The following GDI2 variants were observed in gnomAD, a reference collection of about 807,000 sequenced individuals.
GDI2 encodes rab GDP dissociation inhibitor beta.
GDI2 carries 22 observed loss-of-function variants against 54.2 expected under a neutral mutation model. That is an observed-to-expected ratio of 0.41 (90% confidence interval 0.29 to 0.58). The LOEUF (loss-of-function observed/expected upper bound fraction) is 0.58. Among genes scored for constraint, GDI2 ranks in the 20% least tolerant of loss-of-function variants. The pLI, the probability that GDI2 is intolerant of heterozygous loss-of-function variation, is 0.35. For synonymous variants in GDI2, 177 were observed against 182.1 expected (o/e 0.97, Z 0.23); for missense variants, 422 against 546.0 (o/e 0.77, Z 2.26).
chr10:5,793,801 C>A (rs1351232028), intron 4 of GDI2, among the ~76,000 whole-genome samples: 1 of 152,002 alleles, frequency 6.6e-6, no homozygotes. Flanking sequence ...AAGAGAGACG[C>A]TGAAATAGGA....
intron 1 of GDI2, among the ~76,000 whole-genome samples, chr10:5,809,979 T>A (rs1260519273): frequency 1.3e-5 from 2 of 152,252 alleles, no homozygotes; most frequent in Non-Finnish European, 2.9e-5. Context: ...ATTGATCCTA[T>A]GCTCACTACT....
intron 6 of GDI2, among the ~76,000 whole-genome samples, chr10:5,775,808 C>T (rs1840606029): frequency 6.6e-6 from 1 of 152,152 alleles, no homozygotes; most frequent in Non-Finnish European, 1.5e-5. Context: ...TAAGAATAAG[C>T]AGAGGCCACT....
chr10:5,775,215 G>A (rs995310445), intron 6 of GDI2, among the ~76,000 whole-genome samples: 3 of 152,052 alleles, frequency 2.0e-5, no homozygotes, highest in Non-Finnish European at 1.5e-5. Context: ...TTGAGCCTGA[G>A]AGGTCGAGGC....
At chr10:5,804,999 A>G (rs528864635) in intron 1 of GDI2, among the ~76,000 whole-genome samples, 5 of 152,010 alleles carry the variant, frequency 3.3e-5, no homozygotes, top group African/African-American at 9.6e-5. Flanking sequence ...ACGCCCAGCT[A>G]ATTTTTGTAT....
Position 5,765,740 on chromosome 10 carries a change from G to C in GDI2, c.*266C>G, listed in dbSNP as rs765402851. Reference sequence around the variant, plus strand: ...AAACTGTCTCAAGTTGTCTGTGTCGGTATCCCAATGTTTGTTTAACTTCAC... The same window carrying C: ...AAACTGTCTCAAGTTGTCTGTGTCGCTATCCCAATGTTTGTTTAACTTCAC... On this transcript the variant is annotated 3_prime_UTR_variant, in exon 11 of 11. Coordinates refer to ENST00000380191, the MANE Select transcript of GDI2 (RefSeq NM_001494.4). 3 of 372,774 alleles carry C rather than the reference G, an allele frequency of 8.0e-6. No homozygotes were observed. Among genetic ancestry groups the C allele is most frequent in the South Asian group, 8.1e-5 (2 of 24,676 alleles). The allele number at this position is 372,774 out of a possible 1,614,324, so 23.1% of individuals were successfully genotyped here. A position where few individuals can be genotyped will look rare whatever the true frequency, so the allele number is the denominator to read the frequency against.
intron 4 of GDI2, among the ~76,000 whole-genome samples, chr10:5,787,138 G>C (rs1840897655): frequency 6.6e-6 from 1 of 152,062 alleles, no homozygotes; most frequent in African/African-American, 2.4e-5. Flanking sequence ...TGTTTCTATT[G>C]ACAGCTTAAT....
At position 5,774,539 on chromosome 10, in the gene GDI2, T is replaced by C. The variant is rs1032519853; in HGVS notation, c.720-598A>G. ...CTTCTCCCCTTTCCACTCTCCCGCT[T>C]GCTAACCAATCACCGGAACAGTTCC... On this transcript the variant is annotated intron_variant, in intron 6 of 10. Transcript: ENST00000380191. The surrounding 1 kb of genome is among the most constrained non-coding windows in gnomAD (Gnocchi z 4.8). 1.1e-4 allele frequency among the ~76,000 whole-genome samples: 16 copies of C among 152,092 alleles called. No individual in the cohort carries two copies. Among genetic ancestry groups the C allele is most frequent in the African/African-American group, 3.9e-4 (16 of 41,430 alleles).
chr10:5,795,598 G>C (rs1297912458), intron 3 of GDI2, among the ~76,000 whole-genome samples: 1 of 152,008 alleles, frequency 6.6e-6, no homozygotes, highest in Non-Finnish European at 1.5e-5. Context: ...TTTTGCAAAA[G>C]CAATGAAAAA....
chr10:5,790,924 G>C (rs1355525731), intron 4 of GDI2, among the ~76,000 whole-genome samples: 1 of 152,156 alleles, frequency 6.6e-6, no homozygotes, highest in African/African-American at 2.4e-5. Flanking sequence ...GGGACACTGA[G>C]GAGAGATGAC....
intron 6 of GDI2, among the ~76,000 whole-genome samples, chr10:5,777,839 T>A (rs57034347): frequency 6.6e-6 from 1 of 152,226 alleles, no homozygotes; most frequent in African/African-American, 2.4e-5. Context: ...TGCACACTTA[T>A]GTTTACTGCA....
chr10:5,767,075 CTT>C, intron 8 of GDI2, among the ~76,000 whole-genome samples: 1 of 152,284 alleles, frequency 6.6e-6, no homozygotes, highest in African/African-American at 2.4e-5. Context: ...ACATAAACCA[CTT>C]TTGAGTTGGC....
At position 5,789,120 on chromosome 10, in the gene GDI2, T is replaced by TC. The variant is rs959171985; in HGVS notation, c.389-3071dup. Among the ~76,000 whole-genome samples, 4 of 151,718 alleles carry TC rather than the reference T, an allele frequency of 2.6e-5. No homozygotes were observed. The East Asian group carries it at 7.8e-4, about 30-fold the overall frequency. ...TTTATTTTACTTGATTTTTTTTTTT[T>TC]CCTTTTTGAGATGAGATCTCTGTCA... On this transcript the variant is annotated intron_variant, in intron 4 of 10. Coordinates refer to ENST00000380191, the MANE Select transcript of GDI2 (RefSeq NM_001494.4).
rs374960920 is a variant in GDI2, at chr10:5,770,491, G to A, written c.820-2107C>T. On this transcript the variant is annotated intron_variant, in intron 7 of 10. Transcript: ENST00000380191. The stretch of plus-strand genomic sequence containing the variant: ...GCAGGAGAATCACTTGAATACGGGA[G>A]GCAGAGATTGCAGTGAGCCAAGATC... Among the ~76,000 whole-genome samples, 17 of 152,238 alleles carry A rather than the reference G, an allele frequency of 1.1e-4. No homozygotes were observed. The East Asian group carries it at 3.1e-3, about 28-fold the overall frequency.
intron 6 of GDI2, among the ~76,000 whole-genome samples, chr10:5,781,482 G>A (rs1017767295): frequency 2.0e-5 from 3 of 151,632 alleles, no homozygotes; most frequent in Non-Finnish European, 4.4e-5. Context: ...AAAATTAGCC[G>A]GGCGCGGTGG....
At chr10:5,775,117 G>T (rs1840589361) in intron 6 of GDI2, among the ~76,000 whole-genome samples, 2 of 152,132 alleles carry the variant, frequency 1.3e-5, no homozygotes, top group East Asian at 3.8e-4. Flanking sequence ...CTGAAACCCT[G>T]TTTCTACAAC....
rs1431919984 is a variant in GDI2 at position 5,766,879 on chromosome 10, T to C, written c.992-241A>G. ...GAAGTGGTAGCGAACTGCTGAAGTT[T>C]GGAATGAGATCTCTTAACAGCTCTG... On this transcript the variant is annotated intron_variant, in intron 8 of 10. Transcript: ENST00000380191. The surrounding 1 kb of genome is among the most constrained non-coding windows in gnomAD (Gnocchi z 5.8). 2.0e-5 allele frequency among the ~76,000 whole-genome samples: 3 copies of C among 152,228 alleles called. No homozygotes were observed. Among genetic ancestry groups the C allele is most frequent in the Non-Finnish European group, 1.5e-5 (1 of 68,028 alleles).
chr10:5,811,070 G>A (rs759921962), intron 1 of GDI2, among the ~76,000 whole-genome samples: 1 of 152,092 alleles, frequency 6.6e-6, no homozygotes, highest in Non-Finnish European at 1.5e-5. Flanking sequence ...TTAATTCTGA[G>A]TGCTAACTTT....
Position 5,800,828 on chromosome 10 carries a change from A to G in GDI2, c.46-123T>C, listed in dbSNP as rs191011251. 7.9e-5 allele frequency: 52 copies of G among 660,958 alleles called. No homozygotes were observed. The Admixed American group carries it at 9.2e-4, about 12-fold the overall frequency. 40.9% of individuals were successfully genotyped at this position (660,958 alleles called of 1,614,324 possible). On this transcript the variant is annotated intron_variant, in intron 1 of 10. Transcript: ENST00000380191. ...TACACTTATATTCATGCAACATGAC[A>G]TAATTTATGAAGAAAGCCCTTAAGA... is the stretch of plus-strand genomic sequence containing the variant.
intron 4 of GDI2, among the ~76,000 whole-genome samples, chr10:5,786,419 G>A (rs753904428): frequency 3.3e-5 from 5 of 151,790 alleles, no homozygotes; most frequent in African/African-American, 7.3e-5. Flanking sequence ...CGCCCACCAC[G>A]GCCTCCCAAA....
Sources: gnomAD v4.1 joint callset for allele counts (sites outside exome capture counted in the v4.1 genomes callset) on GRCh38, gnomAD v4.1.1 for gene constraint, Gnocchi (gnomAD v3.1) non-coding constraint, MANE v1.5 for transcripts, NCBI Gene and HGNC (gene_info 2026-07-23, HGNC 2026-07-21) for gene names.